The following IL1RAPL1 variants were observed in gnomAD, a reference collection of about 807,000 sequenced individuals.
The protein encoded by IL1RAPL1 is interleukin-1 receptor accessory protein-like 1.
In IL1RAPL1, 3 loss-of-function variants were observed where a neutral mutation model predicts 48.4. That is an observed-to-expected ratio of 0.06 (90% confidence interval 0.03 to 0.16). IL1RAPL1 has a LOEUF of 0.16. IL1RAPL1 is among the 10% of genes least tolerant of loss of function. The pLI, the probability that IL1RAPL1 is intolerant of heterozygous loss-of-function variation, is 1.00. For missense variants in IL1RAPL1, 349 were observed against 530.6 expected (o/e 0.66, Z 3.36); for synonymous variants, 185 against 187.7 (o/e 0.99, Z 0.12).
At chrX:29,283,663 G>A (rs1321231392) in intron 3 of IL1RAPL1, among the ~76,000 whole-genome samples, 1 of 112,116 alleles carries the variant, frequency 8.9e-6, no homozygotes, top group Non-Finnish European at 1.9e-5. Context: ...TGTGCACAGG[G>A]AGAGGAAGAG....
chrX:29,116,395 G>C (rs752428125), intron 2 of IL1RAPL1, among the ~76,000 whole-genome samples: 198 of 111,162 alleles, frequency 1.8e-3, no homozygotes, highest in African/African-American at 5.8e-3. Context: ...GAACTAGAGG[G>C]GTGGTAAAGG....
At chrX:29,202,845 C>T (rs182311362) in intron 2 of IL1RAPL1, among the ~76,000 whole-genome samples, 85 of 110,880 alleles carry the variant, frequency 7.7e-4, no homozygotes, top group African/African-American at 2.6e-3. Flanking sequence ...ACAACGGATG[C>T]CAAGGCCTAC....
At chrX:28,634,489 GTA>G (rs1001345079) in intron 1 of IL1RAPL1, among the ~76,000 whole-genome samples, 1 of 108,775 alleles carries the variant, frequency 9.2e-6, no homozygotes, top group Admixed American at 1.0e-4. Context: ...GTGTATATAT[GTA>G]TATATATGTG....
chrX:29,633,046 A>G (rs1924832758), intron 5 of IL1RAPL1, among the ~76,000 whole-genome samples: 1 of 111,810 alleles, frequency 8.9e-6, no homozygotes, highest in Non-Finnish European at 1.9e-5. Context: ...AACATATACA[A>G]TATACACGAG....
chrX:28,962,202 G>A (rs1924797012), intron 2 of IL1RAPL1, among the ~76,000 whole-genome samples: 1 of 111,798 alleles, frequency 8.9e-6, no homozygotes, highest in South Asian at 3.7e-4. Context: ...TGATAATCTG[G>A]TTCTCTATTG....
chrX:29,047,941 C>T (rs780943894), intron 2 of IL1RAPL1, among the ~76,000 whole-genome samples: 53 of 110,824 alleles, frequency 4.8e-4, no homozygotes, highest in Non-Finnish European at 8.3e-4. Flanking sequence ...ATTCTTTTGA[C>T]GTATGCATTA....
intron 2 of IL1RAPL1, among the ~76,000 whole-genome samples, chrX:28,996,954 A>C (rs1275319575): frequency 9.0e-6 from 1 of 111,584 alleles, no homozygotes; most frequent in Non-Finnish European, 1.9e-5. Flanking sequence ...TAGTGAAAAG[A>C]CTCATTCTTA....
chrX:28,919,139 C>A (rs185721164), intron 2 of IL1RAPL1, among the ~76,000 whole-genome samples: 4 of 111,242 alleles, frequency 3.6e-5, no homozygotes, highest in African/African-American at 9.8e-5. Context: ...ATATACTTCC[C>A]TACGGGGACA....
At chrX:29,113,271 G>A (rs778776666) in intron 2 of IL1RAPL1, among the ~76,000 whole-genome samples, 1 of 112,146 alleles carries the variant, frequency 8.9e-6, no homozygotes, top group East Asian at 2.8e-4. Context: ...TCTATCTACA[G>A]TGTGGGATAA....
At chrX:29,597,993 TATC>T (rs1405894397) in intron 5 of IL1RAPL1, among the ~76,000 whole-genome samples, 1 of 92,612 alleles carries the variant, frequency 1.1e-5, no homozygotes, top group Non-Finnish European at 2.2e-5. Context: ...TTGTTTCATT[TATC>T]TTTTGTAATT....
intron 2 of IL1RAPL1, among the ~76,000 whole-genome samples, chrX:29,020,165 G>A (rs1926331147): frequency 8.9e-6 from 1 of 112,366 alleles, no homozygotes; most frequent in African/African-American, 3.2e-5. Flanking sequence ...ATAAGTGAAT[G>A]AGTGTGTTTT....
At chrX:29,832,813 C>T (rs986332249) in intron 6 of IL1RAPL1, among the ~76,000 whole-genome samples, 4 of 108,766 alleles carry the variant, frequency 3.7e-5, no homozygotes, top group Non-Finnish European at 5.7e-5. Flanking sequence ...GTTTAAAGCC[C>T]CCCACCTCCC....
chrX:29,413,670 T>TA (rs1171066438), intron 5 of IL1RAPL1, among the ~76,000 whole-genome samples: 6 of 109,943 alleles, frequency 5.5e-5, no homozygotes, highest in African/African-American at 2.0e-4. Flanking sequence ...CATGTCCCTA[T>TA]AATATTTATA....
chrX:29,298,615 G>A (rs1442496920), intron 3 of IL1RAPL1, among the ~76,000 whole-genome samples: 1 of 111,368 alleles, frequency 9.0e-6, no homozygotes, highest in Non-Finnish European at 1.9e-5. Flanking sequence ...AACTTAGGGT[G>A]CCAAACAAAG....
At chrX:28,675,468 G>T (rs1235587301) in intron 1 of IL1RAPL1, among the ~76,000 whole-genome samples, 1 of 111,738 alleles carries the variant, frequency 8.9e-6, no homozygotes, top group Non-Finnish European at 1.9e-5. Flanking sequence ...GTATAAGTAG[G>T]CATTGCAATT....
At chrX:29,356,814 T>C (rs1933310639) in intron 3 of IL1RAPL1, among the ~76,000 whole-genome samples, 1 of 111,592 alleles carries the variant, frequency 9.0e-6, no homozygotes, top group Non-Finnish European at 1.9e-5. Context: ...TAGGTAAATA[T>C]CTATTTCTGT....
At chrX:28,653,570 T>C (rs1934713298) in intron 1 of IL1RAPL1, among the ~76,000 whole-genome samples, 1 of 111,696 alleles carries the variant, frequency 9.0e-6, no homozygotes, top group African/African-American at 3.3e-5. Context: ...CTGAGATATA[T>C]GTATGTATGT....
intron 2 of IL1RAPL1, among the ~76,000 whole-genome samples, chrX:29,260,503 A>G (rs1315775664): frequency 1.8e-5 from 2 of 111,834 alleles, no homozygotes; most frequent in African/African-American, 6.5e-5. Flanking sequence ...AGACTTATTC[A>G]CTACCATGAA....
intron 2 of IL1RAPL1, among the ~76,000 whole-genome samples, chrX:29,184,398 T>G (rs1286869317): frequency 4.4e-5 from 5 of 112,541 alleles, no homozygotes; most frequent in Non-Finnish European, 7.5e-5. Context: ...TAAGAAATGA[T>G]ATTTAAATTA....
Sources: allele counts gnomAD v4.1 joint callset (sites outside exome capture counted in the v4.1 genomes callset), GRCh38; gene constraint gnomAD v4.1.1; transcripts MANE v1.5; gene names NCBI Gene and HGNC (gene_info 2026-07-23, HGNC 2026-07-21).